The following AHCYL1 variants were observed in gnomAD, a reference collection of about 807,000 sequenced individuals.
AHCYL1 encodes adenosylhomocysteinase like 1, also known as S-adenosylhomocysteine hydrolase-like protein 1.
A neutral mutation model predicts 79.3 loss-of-function variants in AHCYL1; 20 were observed. The observed-to-expected ratio is 0.25, with a 90% CI of 0.18 to 0.37. The LOEUF is 0.37. Ranked by LOEUF, AHCYL1 falls within the 10% of genes least tolerant of loss-of-function variation. The pLI, the probability that AHCYL1 is intolerant of heterozygous loss-of-function variation, is 1.00. For missense variants in AHCYL1, 330 were observed against 673.6 expected (o/e 0.49, Z 5.65); for synonymous variants, 223 against 242.2 (o/e 0.92, Z 0.74).
At chr1:110,009,724 ACT>A (rs780411329) in intron 2 of AHCYL1, among the ~76,000 whole-genome samples, 50 of 152,126 alleles carry the variant, frequency 3.3e-4, no homozygotes, top group Middle Eastern at 3.2e-3. Context: ...TCCTGTCTTA[ACT>A]CTCTGTAAAT....
chr1:110,012,323 C>T, intron 3 of AHCYL1, 39 bp from the exon 4 acceptor site: 2 of 1,572,490 alleles, frequency 1.3e-6, no homozygotes, highest in South Asian at 2.2e-5. Flanking sequence ...GATGATACTG[C>T]TAGTGCAGAC....
rs965856974 is a variant in AHCYL1 at position 110,023,229 on chromosome 1, C to T, written c.*1549C>T. On this transcript the variant is annotated 3_prime_UTR_variant, in exon 17 of 17. Transcript: ENST00000369799. ...AAATAGAAGAAAGGAAAGCTTTCAC[C>T]CTGCAGCTTCTTAGCAGGGAACAAT... is the stretch of plus-strand genomic sequence containing the variant. 6 of 152,602 alleles carry T rather than the reference C, an allele frequency of 3.9e-5. No individual in the cohort carries two copies. The highest frequency in any genetic ancestry group is 1.4e-4 in the African/African-American group (6 of 41,436). 9.5% of individuals were successfully genotyped at this position (152,602 alleles called of 1,614,324 possible).
intron 1 of AHCYL1, among the ~76,000 whole-genome samples, chr1:110,004,738 C>G (rs1169489644): frequency 6.6e-6 from 1 of 151,558 alleles, no homozygotes; most frequent in Non-Finnish European, 1.5e-5. Flanking sequence ...ATAGTGAGAC[C>G]CTGTCTCTTT....
Position 110,021,824 on chromosome 1 carries a change from AG to A in AHCYL1, c.*145del. The A allele has an allele frequency of 1.2e-6, 1 of 841,876 alleles. No homozygotes were observed. The highest frequency in any genetic ancestry group is 1.8e-6 in the Non-Finnish European group (1 of 553,892). 52.2% of individuals were successfully genotyped at this position (841,876 alleles called of 1,614,324 possible). A position where few individuals can be genotyped will look rare whatever the true frequency, so the allele number is the denominator to read the frequency against. ...TCTTGTTTTTTCATCTCATTATCCA[AG>A]TTCTGCAGACCACACAGGAACTTGC... On this transcript the variant is annotated 3_prime_UTR_variant, in exon 17 of 17. Transcript: ENST00000369799.
intron 1 of AHCYL1, 65 bp from the exon 2 acceptor site, chr1:110,008,968 TA>T (rs567994812): frequency 0.011 from 11,784 of 1,057,070 alleles, no homozygotes; most frequent in East Asian, 0.013. Flanking sequence ...AATGTATCCT[TA>T]AAAAAAAAAA....
At chr1:109,990,016 A>G (rs932652342) in intron 1 of AHCYL1, among the ~76,000 whole-genome samples, 5 of 152,254 alleles carry the variant, frequency 3.3e-5, no homozygotes, top group Non-Finnish European at 7.3e-5. Flanking sequence ...AAAAATTCAC[A>G]CAGAATTGCA....
At chr1:110,020,430 T>C (rs1651725204) in intron 15 of AHCYL1, among the ~76,000 whole-genome samples, 1 of 152,174 alleles carries the variant, frequency 6.6e-6, no homozygotes, top group Non-Finnish European at 1.5e-5. Context: ...TGTGGGCCAC[T>C]GCAGGGAAGC....
intron 1 of AHCYL1, among the ~76,000 whole-genome samples, chr1:109,987,036 G>T (rs1240444238): frequency 1.3e-5 from 2 of 152,182 alleles, no homozygotes; most frequent in African/African-American, 2.4e-5. Context: ...GGAAGACCCT[G>T]TTTTAAGTTT....
At chr1:110,010,885 G>C (rs1235876310) in intron 2 of AHCYL1, among the ~76,000 whole-genome samples, 2 of 152,196 alleles carry the variant, frequency 1.3e-5, no homozygotes, top group Non-Finnish European at 2.9e-5. Context: ...GTTTTTGCCA[G>C]GTCTGGTTCC....
chr1:110,018,890 C>A, intron 13 of AHCYL1, 161 bp from the exon 14 acceptor site: 1 of 766,990 alleles, frequency 1.3e-6, no homozygotes. Flanking sequence ...GATGGATTTG[C>A]AGAAAATAGG....
chr1:110,019,201 C>A (rs1651630764), intron 14 of AHCYL1, 82 bp downstream of exon 14: 2 of 1,323,652 alleles, frequency 1.5e-6, no homozygotes, highest in African/African-American at 2.9e-5. Flanking sequence ...GTGTACTGTA[C>A]TATGTTCTCA....
chr1:109,990,723 A>G (rs1649715112), intron 1 of AHCYL1, among the ~76,000 whole-genome samples: 1 of 152,162 alleles, frequency 6.6e-6, no homozygotes, highest in African/African-American at 2.4e-5. Context: ...CTACCTTACC[A>G]TTCCCCATTC....
chr1:109,995,395 A>G (rs1649978531), intron 1 of AHCYL1, among the ~76,000 whole-genome samples: 1 of 152,118 alleles, frequency 6.6e-6, no homozygotes, highest in Non-Finnish European at 1.5e-5. Flanking sequence ...CTGAATTTGG[A>G]CCAAACTAAT....
At chr1:110,013,398 A>C (rs1651181914) in intron 5 of AHCYL1, among the ~76,000 whole-genome samples, 1 of 152,226 alleles carries the variant, frequency 6.6e-6, no homozygotes, top group Non-Finnish European at 1.5e-5. Flanking sequence ...TGTGAGTTTA[A>C]TTAAACGTAA....
chr1:110,011,423 C>T (rs1486107674), intron 3 of AHCYL1, 66 bp downstream of exon 3: 1 of 1,585,862 alleles, frequency 6.3e-7, no homozygotes, highest in Non-Finnish European at 8.6e-7. Context: ...AATCCACAAA[C>T]AACTTAAGAC....
intron 1 of AHCYL1, among the ~76,000 whole-genome samples, chr1:110,002,493 G>A (rs1388427384): frequency 6.6e-6 from 1 of 152,186 alleles, no homozygotes; most frequent in Admixed American, 6.5e-5. Context: ...ATAAAAATCT[G>A]AATGACAAAG....
chr1:109,988,898 A>C (rs1225656548), intron 1 of AHCYL1, among the ~76,000 whole-genome samples: 2 of 152,250 alleles, frequency 1.3e-5, no homozygotes, highest in Non-Finnish European at 2.9e-5. Context: ...TGTTAACCCG[A>C]TAGGTAAAAT....
At chr1:110,003,765 G>GGT (rs1650465572) in intron 1 of AHCYL1, among the ~76,000 whole-genome samples, 1 of 152,118 alleles carries the variant, frequency 6.6e-6, no homozygotes, top group African/African-American at 2.4e-5. Flanking sequence ...AAACAGTCTG[G>GGT]GTGTGTGTTA....
At chr1:110,009,646 A>C (rs17025334) in intron 2 of AHCYL1, among the ~76,000 whole-genome samples, 6,495 of 152,164 alleles carry the variant, frequency 0.043, 382 homozygotes, top group African/African-American at 0.13. Flanking sequence ...CCCCTGTTAG[A>C]CTCTGGAGCA....
Sources: allele counts gnomAD v4.1 joint callset (sites outside exome capture counted in the v4.1 genomes callset), GRCh38; gene constraint gnomAD v4.1.1; transcripts MANE v1.5; gene names NCBI Gene and HGNC (gene_info 2026-07-23, HGNC 2026-07-21).